FGF14: variants seen among roughly 807,000 people sequenced by gnomAD.
FGF14 encodes fibroblast growth factor 14, also known as fibroblast growth factor homologous factor 4.
A neutral mutation model predicts 25.5 loss-of-function variants in FGF14; 5 were observed. The observed-to-expected ratio is 0.20, with a 90% CI of 0.10 to 0.41. The LOEUF (loss-of-function observed/expected upper bound fraction) is 0.41. FGF14 is among the 10% of genes least tolerant of loss of function. The probability of loss-of-function intolerance (pLI) is 1.00; values close to 1 mark genes in which losing one functional copy is unlikely to be tolerated. For synonymous variants in FGF14, 138 were observed against 118.3 expected (o/e 1.17, Z -1.08); for missense variants, 222 against 320.1 (o/e 0.69, Z 2.34).
intron 1 of FGF14, among the ~76,000 whole-genome samples, chr13:101,924,581 A>T (rs2034236316): frequency 6.6e-6 from 1 of 152,232 alleles, no homozygotes; most frequent in Admixed American, 6.5e-5. Flanking sequence ...AATTAATAAT[A>T]AATTAGAGAA....
chr13:101,750,272 T>G (rs937344386), intron 3 of FGF14, among the ~76,000 whole-genome samples: 1 of 152,110 alleles, frequency 6.6e-6, no homozygotes, highest in Non-Finnish European at 1.5e-5. Context: ...TGTGCAACAA[T>G]GTTATGTATC....
intron 1 of FGF14, among the ~76,000 whole-genome samples, chr13:102,206,537 C>T (rs2049935051): frequency 6.6e-6 from 1 of 151,864 alleles, no homozygotes; most frequent in Admixed American, 6.6e-5. Context: ...CAAAATTAGC[C>T]AGGCATGGTG....
intron 1 of FGF14, among the ~76,000 whole-genome samples, chr13:102,126,768 C>G (rs917590204): frequency 6.6e-6 from 1 of 152,130 alleles, no homozygotes; most frequent in African/African-American, 2.4e-5. Context: ...AGCATCTCAT[C>G]TAATTTTTCT....
intron 1 of FGF14, among the ~76,000 whole-genome samples, chr13:101,973,935 C>T (rs893233405): frequency 1.3e-5 from 2 of 152,178 alleles, no homozygotes; most frequent in African/African-American, 4.8e-5. Context: ...ACTGTTATAC[C>T]TGCTTCCTTA....
At chr13:102,277,952 C>G (rs56254872) in intron 1 of FGF14, among the ~76,000 whole-genome samples, 3,789 of 152,292 alleles carry the variant, frequency 0.025, 155 homozygotes, top group African/African-American at 0.085. Flanking sequence ...CTGCTCAATT[C>G]ACTTTGCAAA....
intron 3 of FGF14, among the ~76,000 whole-genome samples, chr13:101,864,273 G>T (rs1411318825): frequency 6.6e-6 from 1 of 152,144 alleles, no homozygotes; most frequent in Non-Finnish European, 1.5e-5. Flanking sequence ...CTTCAGCTTA[G>T]TGGTAGAACA....
intron 1 of FGF14, among the ~76,000 whole-genome samples, chr13:102,387,272 A>G (rs1173395845): frequency 6.6e-6 from 1 of 152,216 alleles, no homozygotes; most frequent in Non-Finnish European, 1.5e-5. Context: ...GGAGCCAGAT[A>G]CTGACCCCTT....
chr13:102,309,168 ATCT>A (rs373579926), intron 1 of FGF14, among the ~76,000 whole-genome samples: 2 of 150,376 alleles, frequency 1.3e-5, no homozygotes, highest in Non-Finnish European at 1.5e-5. Context: ...ACACACACAC[ATCT>A]CGCACAGTAA....
rs141498597 is a variant in FGF14, at chr13:101,973,874, A to G, written c.209-98578T>C. Among the ~76,000 whole-genome samples the G allele has an allele frequency of 7.0e-3, 1,060 of 152,272 alleles. 4 individuals carry two copies. Among genetic ancestry groups the G allele is most frequent in the African/African-American group, 0.023 (976 of 41,546 alleles). Reference sequence around the variant, plus strand: ...TTGACACTCAGTATTAACCATCACAATGAAGAAACCCCAATTTGATGGTTG... The same window carrying G: ...TTGACACTCAGTATTAACCATCACAGTGAAGAAACCCCAATTTGATGGTTG... On this transcript the variant is annotated intron_variant, in intron 1 of 4. Transcript: ENST00000376131.
At chr13:102,188,152 A>C (rs2048946883) in intron 1 of FGF14, among the ~76,000 whole-genome samples, 1 of 152,168 alleles carries the variant, frequency 6.6e-6, no homozygotes, top group African/African-American at 2.4e-5. Flanking sequence ...TATTTAAAAC[A>C]TATATTGGCT....
chr13:101,990,715 C>G (rs937571600), intron 1 of FGF14, among the ~76,000 whole-genome samples: 3 of 152,166 alleles, frequency 2.0e-5, no homozygotes, highest in East Asian at 3.9e-4. Context: ...AGACAACTTG[C>G]TCTGTAGAAA....
At chr13:102,279,140 G>T (rs1354427213) in intron 1 of FGF14, among the ~76,000 whole-genome samples, 1 of 152,018 alleles carries the variant, frequency 6.6e-6, no homozygotes, top group East Asian at 1.9e-4. Context: ...AGATTATTTT[G>T]AACATACAGC....
At chr13:102,330,652 T>G (rs1473964912) in intron 1 of FGF14, among the ~76,000 whole-genome samples, 1 of 152,212 alleles carries the variant, frequency 6.6e-6, no homozygotes, top group African/African-American at 2.4e-5. Context: ...AGTATACCTC[T>G]GTTCATGCCT....
At chr13:101,775,385 GA>G (rs1161415530) in intron 3 of FGF14, among the ~76,000 whole-genome samples, 3 of 152,060 alleles carry the variant, frequency 2.0e-5, no homozygotes, top group African/African-American at 7.2e-5. Flanking sequence ...TATGTTTTTA[GA>G]AAAACATTTG....
chr13:102,103,129 G>A (rs979563864), intron 1 of FGF14, among the ~76,000 whole-genome samples: 1 of 152,152 alleles, frequency 6.6e-6, no homozygotes, highest in East Asian at 1.9e-4. Flanking sequence ...AACAAGAGGT[G>A]AGGACAGAAA....
chr13:101,750,765 C>T lies in FGF14; in HGVS notation c.409-23955G>A, dbSNP rs116912144. Among the ~76,000 whole-genome samples, 312 of 152,152 alleles carry T rather than the reference C, an allele frequency of 2.1e-3. 11 individuals carry two copies. In the East Asian group the frequency reaches 0.053, roughly 26 times the overall value. On this transcript the variant is annotated intron_variant, in intron 3 of 4. Transcript: ENST00000376143. The stretch of plus-strand genomic sequence containing the variant: ...TGTAAATGTTCATGGCAGCTTTATT[C>T]CTAATTGCCAAAACTTGAAAGCAAT...
intron 1 of FGF14, among the ~76,000 whole-genome samples, chr13:102,366,128 G>T (rs888961888): frequency 1.3e-5 from 2 of 152,068 alleles, no homozygotes; most frequent in Non-Finnish European, 2.9e-5. Context: ...TTAAAACAGC[G>T]ATATTAAGAG....
intron 3 of FGF14, among the ~76,000 whole-genome samples, chr13:101,813,986 AATTC>A (rs1219470278): frequency 1.3e-5 from 2 of 152,232 alleles, no homozygotes; most frequent in African/African-American, 4.8e-5. Context: ...ATAACTAAAG[AATTC>A]ATTCATTAAA....
chr13:102,399,898 T>A (rs374757565), intron 1 of FGF14, among the ~76,000 whole-genome samples: 1 of 152,014 alleles, frequency 6.6e-6, no homozygotes, highest in Non-Finnish European at 1.5e-5. Flanking sequence ...AGAGCCTCAA[T>A]TGCCACCCCA....
Sources: allele counts gnomAD v4.1 joint callset (sites outside exome capture counted in the v4.1 genomes callset), GRCh38; gene constraint gnomAD v4.1.1; transcripts MANE v1.5; gene names NCBI Gene and HGNC (gene_info 2026-07-23, HGNC 2026-07-21).